Variants in SHISA9 observed in about 807,000 individuals in gnomAD.
SHISA9 encodes shisa family member 9.
Under a neutral mutation model 38.0 loss-of-function variants are expected in SHISA9, and 13 were observed. That is an observed-to-expected ratio of 0.34 (90% CI 0.22 to 0.54). The LOEUF (loss-of-function observed/expected upper bound fraction) is 0.54, where lower values mean the gene tolerates loss of function less well. Ranked by LOEUF, SHISA9 falls within the 20% of genes least tolerant of loss-of-function variation. The probability of loss-of-function intolerance (pLI) is 0.91; values close to 1 mark genes in which losing one functional copy is unlikely to be tolerated. For missense variants in SHISA9, 538 were observed against 575.8 expected, an observed-to-expected ratio of 0.93 and a Z score of 0.67; for synonymous variants, 275 against 242.0, an observed-to-expected ratio of 1.14 and a Z score of -1.27.
At chr16:13,478,590 C>T in the SHISA9 span, among the ~76,000 whole-genome samples, 50 of 152,170 alleles carry the variant, frequency 3.3e-4, no homozygotes, top group Non-Finnish European at 6.3e-4. Context: ...GTCTGTTCCA[C>T]TCTAATAGTC....
At chr16:13,069,332 G>A (rs571037599) in intron 2 of SHISA9, among the ~76,000 whole-genome samples, 16 of 151,342 alleles carry the variant, frequency 1.1e-4, no homozygotes, top group African/African-American at 3.4e-4. Flanking sequence ...CACAATGTAC[G>A]CATGCATATG....
chr16:13,421,418 A>G, the SHISA9 span, among the ~76,000 whole-genome samples: 156 of 152,288 alleles, frequency 1.0e-3, 1 homozygote, highest in African/African-American at 3.4e-3. Context: ...GCAAGAGAAA[A>G]TGAGGAAAAT....
intron 2 of SHISA9, among the ~76,000 whole-genome samples, chr16:12,955,633 TAA>T (rs5815731): frequency 1.4e-4 from 20 of 139,502 alleles, no homozygotes; most frequent in African/African-American, 2.7e-4. Flanking sequence ...TTCAACAAAG[TAA>T]AAAAAAAAAA....
chr16:13,015,891 TTTC>T (rs1417964712), intron 2 of SHISA9, among the ~76,000 whole-genome samples: 2 of 79,498 alleles, frequency 2.5e-5, no homozygotes, highest in African/African-American at 7.1e-5. Context: ...TCTTTCTTTC[TTTC>T]TTTCTTTCTT....
At chr16:13,457,936 CCTTCCTTG>C in the SHISA9 span, among the ~76,000 whole-genome samples, 1 of 152,038 alleles carries the variant, frequency 6.6e-6, no homozygotes, top group African/African-American at 2.4e-5. Flanking sequence ...TCCCTTCCTT[CCTTCCTTG>C]CTTCCTTCCT....
chr16:13,107,297 TG>T (rs1235410512), intron 2 of SHISA9, among the ~76,000 whole-genome samples: 1 of 151,802 alleles, frequency 6.6e-6, no homozygotes, highest in Non-Finnish European at 1.5e-5. Context: ...CAGCCAGGTG[TG>T]GTGGTGGGCA....
chr16:13,381,442 G>T, the SHISA9 span, among the ~76,000 whole-genome samples: 2 of 152,130 alleles, frequency 1.3e-5, no homozygotes, highest in Non-Finnish European at 2.9e-5. Flanking sequence ...TCCAGGAAAA[G>T]CATAAAGTTA....
chr16:13,509,923 G>C, the SHISA9 span, among the ~76,000 whole-genome samples: 22 of 152,240 alleles, frequency 1.4e-4, no homozygotes, highest in South Asian at 2.5e-3. Context: ...CTGTGAAGTG[G>C]GAATAATAGT....
chr16:13,033,726 C>G (rs1237341376), intron 2 of SHISA9, among the ~76,000 whole-genome samples: 1 of 152,188 alleles, frequency 6.6e-6, no homozygotes, highest in African/African-American at 2.4e-5. Flanking sequence ...GTTGGCCACA[C>G]TACCCAGTAG....
intron 4 of SHISA9, among the ~76,000 whole-genome samples, chr16:13,231,943 T>C (rs945281031): frequency 1.3e-5 from 2 of 152,340 alleles, no homozygotes; most frequent in African/African-American, 4.8e-5. Context: ...GCTTGACAGT[T>C]TCCTTATTTG....
the SHISA9 span, among the ~76,000 whole-genome samples, chr16:13,425,662 G>A: frequency 2.0e-5 from 3 of 152,132 alleles, no homozygotes; most frequent in Non-Finnish European, 2.9e-5. Flanking sequence ...ATGTAACCTC[G>A]ATCTAAAATA....
At chr16:13,017,932 A>G (rs2072777503) in intron 2 of SHISA9, among the ~76,000 whole-genome samples, 1 of 152,222 alleles carries the variant, frequency 6.6e-6, no homozygotes, top group Non-Finnish European at 1.5e-5. Flanking sequence ...AGTTTTAAGG[A>G]AATCCCCTCC....
chr16:13,327,148 G>C, the SHISA9 span, among the ~76,000 whole-genome samples: 174 of 152,234 alleles, frequency 1.1e-3, no homozygotes, highest in African/African-American at 3.6e-3. Flanking sequence ...CGCATTCCTG[G>C]TACTTTTTTA....
chr16:13,374,314 C>G, the SHISA9 span, among the ~76,000 whole-genome samples: 1 of 152,156 alleles, frequency 6.6e-6, no homozygotes, highest in Non-Finnish European at 1.5e-5. Flanking sequence ...TATCCCTCCC[C>G]TGGCCCTCCA....
intron 2 of SHISA9, among the ~76,000 whole-genome samples, chr16:13,159,867 C>T (rs2050580548): frequency 6.6e-6 from 1 of 152,226 alleles, no homozygotes; most frequent in Non-Finnish European, 1.5e-5. Flanking sequence ...CCTCTTCTTC[C>T]TGACTCCTGT....
chr16:13,529,399 T>C, the SHISA9 span, among the ~76,000 whole-genome samples: 1 of 152,212 alleles, frequency 6.6e-6, no homozygotes, highest in Non-Finnish European at 1.5e-5. Context: ...CTTTGTTCCT[T>C]TAATCATTTG....
chr16:13,001,333 C>G (rs1473536532), intron 2 of SHISA9, among the ~76,000 whole-genome samples: 4 of 152,178 alleles, frequency 2.6e-5, no homozygotes, highest in African/African-American at 7.2e-5. Flanking sequence ...GCTCCTCCCT[C>G]TCCTCCCTGG....
rs141498351 is a variant in SHISA9 at position 13,098,851 on chromosome 16, G to A, written c.692-104543G>A. Among the ~76,000 whole-genome samples, 480 of 152,300 alleles carry A rather than the reference G, an allele frequency of 3.2e-3. 2 individuals are homozygous for A. Among genetic ancestry groups the A allele is most frequent in the African/African-American group, 0.01 (429 of 41,562 alleles). ...TGGCTCAATCTCTTCCTAGATCTGC[G>A]GTCTTGGGCAACCCCCTTTGTCTCT... On this transcript the variant is annotated intron_variant, in intron 2 of 4. Coordinates refer to ENST00000558583, the MANE Select transcript of SHISA9 (RefSeq NM_001145204.3).
At chr16:13,250,203 C>A in the SHISA9 span, among the ~76,000 whole-genome samples, 1 of 152,174 alleles carries the variant, frequency 6.6e-6, no homozygotes, top group Non-Finnish European at 1.5e-5. Flanking sequence ...CTGGGGAATT[C>A]AACTGGACCC....
Sources: gnomAD v4.1 joint callset for allele counts (sites outside exome capture counted in the v4.1 genomes callset) on GRCh38, gnomAD v4.1.1 for gene constraint, MANE v1.5 for transcripts, NCBI Gene and HGNC (gene_info 2026-07-23, HGNC 2026-07-21) for gene names.